Variants in KCTD16 observed in about 807,000 individuals in gnomAD.
The protein encoded by KCTD16 is BTB/POZ domain-containing protein KCTD16.
Under a neutral mutation model 33.2 loss-of-function variants are expected in KCTD16, and 13 were observed. The observed-to-expected ratio is 0.39, with a 90% CI of 0.25 to 0.62. KCTD16 has a LOEUF of 0.62. Ranked by LOEUF, KCTD16 falls within the 20% of genes least tolerant of loss-of-function variation. KCTD16 has a pLI of 0.50. For synonymous variants in KCTD16, 197 were observed against 195.3 expected (o/e 1.01, Z -0.07); for missense variants, 441 against 525.1 (o/e 0.84, Z 1.57).
chr5:144,300,221 G>A (rs962049268), intron 3 of KCTD16, among the ~76,000 whole-genome samples: 3 of 152,128 alleles, frequency 2.0e-5, no homozygotes, highest in East Asian at 1.9e-4. Context: ...AGTGAAGTGT[G>A]GGAAGTAAAT....
At chr5:144,348,955 C>A (rs545781038) in intron 3 of KCTD16, among the ~76,000 whole-genome samples, 2 of 152,182 alleles carry the variant, frequency 1.3e-5, no homozygotes, top group African/African-American at 4.8e-5. Flanking sequence ...TAAAGAAATC[C>A]TGTGGGAAAG....
intron 2 of KCTD16, chr5:144,205,991 A>G (rs764121080): frequency 1.3e-5 from 2 of 157,428 alleles, no homozygotes; most frequent in Non-Finnish European, 2.8e-5. Flanking sequence ...TGCTTTACAA[A>G]TGGTTATTAT....
intron 3 of KCTD16, among the ~76,000 whole-genome samples, chr5:144,373,860 C>T (rs554607750): frequency 8.5e-5 from 13 of 152,310 alleles, no homozygotes; most frequent in Non-Finnish European, 1.5e-4. Context: ...TATATGTTTT[C>T]ATTTCCTATG....
intron 3 of KCTD16, among the ~76,000 whole-genome samples, chr5:144,356,673 A>G (rs750940082): frequency 6.6e-6 from 1 of 152,084 alleles, no homozygotes; most frequent in African/African-American, 2.4e-5. Flanking sequence ...ACCACTGGAG[A>G]TATAATTGAA....
chr5:144,226,222 A>G (rs991419095), intron 3 of KCTD16, among the ~76,000 whole-genome samples: 1 of 152,202 alleles, frequency 6.6e-6, no homozygotes, highest in Non-Finnish European at 1.5e-5. Flanking sequence ...TCTCATTAGA[A>G]TGATTAGGAG....
intron 3 of KCTD16, among the ~76,000 whole-genome samples, chr5:144,420,244 G>T (rs1206794681): frequency 1.3e-5 from 2 of 152,078 alleles, no homozygotes; most frequent in Non-Finnish European, 2.9e-5. Flanking sequence ...CTCTACCTCA[G>T]CAGTTTACTG....
chr5:144,267,053 A>G (rs932862446), intron 3 of KCTD16, among the ~76,000 whole-genome samples: 2 of 152,240 alleles, frequency 1.3e-5, no homozygotes, highest in African/African-American at 4.8e-5. Flanking sequence ...TTATAAAATT[A>G]AATCTTCTGG....
intron 3 of KCTD16, among the ~76,000 whole-genome samples, chr5:144,270,979 G>C (rs993544276): frequency 2.6e-5 from 4 of 151,842 alleles, no homozygotes; most frequent in African/African-American, 9.7e-5. Flanking sequence ...TGAAAAAATA[G>C]AAAATTTGAT....
At chr5:144,205,596 T>G (rs2126788465) in intron 2 of KCTD16, 1 of 398,700 alleles carries the variant, frequency 2.5e-6, no homozygotes, top group Admixed American at 4.4e-5. Context: ...TCTCCATCTT[T>G]CTGCTTCTGG....
rs1029839360 is a variant in KCTD16, at chr5:144,206,578, T to C, written c.-137T>C. On this transcript the variant is annotated 5_prime_UTR_variant, in exon 3 of 4. Coordinates refer to ENST00000512467, the MANE Select transcript of KCTD16 (RefSeq NM_020768.4). Reference sequence around the variant, plus strand: ...ACATTTTGATTTCTTGGGGGAAAAATACTGGGATAAGAGGAGGTCATTTTT... The same window carrying C: ...ACATTTTGATTTCTTGGGGGAAAAACACTGGGATAAGAGGAGGTCATTTTT... The C allele has an allele frequency of 5.6e-6, 4 of 714,448 alleles. No individual in the cohort carries two copies. In the African/African-American group the frequency reaches 7.1e-5, roughly 13 times the overall value. The allele number at this position is 714,448 out of a possible 1,614,324, so 44.3% of individuals were successfully genotyped here.
In KCTD16 at chr5:144,485,122, G is replaced by A. The variant is rs1754778587; in HGVS notation, c.*11008G>A. The A allele has an allele frequency of 6.6e-6, 1 of 151,890 alleles. No individual in the cohort carries two copies. The highest frequency in any genetic ancestry group is 6.6e-5 in the Admixed American group (1 of 15,206). The allele number at this position is 151,890 out of a possible 1,614,324, so 9.4% of individuals were successfully genotyped here. A position where few individuals can be genotyped will look rare whatever the true frequency, so the allele number is the denominator to read the frequency against. ...ACTCTAACTGTTTTTACCTTGGGATGTAACACTGTAGATCTTCGCCTGCTG... is the reference window on the plus strand; with the variant it reads ...ACTCTAACTGTTTTTACCTTGGGATATAACACTGTAGATCTTCGCCTGCTG... On this transcript the variant is annotated 3_prime_UTR_variant, in exon 4 of 4. Transcript: ENST00000512467.
chr5:144,394,471 A>G (rs1323819413), intron 3 of KCTD16, among the ~76,000 whole-genome samples: 2 of 152,196 alleles, frequency 1.3e-5, no homozygotes, highest in Non-Finnish European at 2.9e-5. Flanking sequence ...GTTCTCTGAA[A>G]ACTGAACTGG....
intron 3 of KCTD16, among the ~76,000 whole-genome samples, chr5:144,408,620 T>C (rs1175498828): frequency 6.6e-6 from 1 of 152,206 alleles, no homozygotes; most frequent in Non-Finnish European, 1.5e-5. Context: ...GTAAAAAATG[T>C]CTTGAAGGTA....
chr5:144,453,438 T>C (rs1029817913), intron 3 of KCTD16, among the ~76,000 whole-genome samples: 1 of 152,158 alleles, frequency 6.6e-6, no homozygotes. Context: ...GATGTCTTTA[T>C]GATCTGTATG....
At chr5:144,288,105 A>T (rs1386674337) in intron 3 of KCTD16, among the ~76,000 whole-genome samples, 1 of 152,154 alleles carries the variant, frequency 6.6e-6, no homozygotes, top group East Asian at 1.9e-4. Flanking sequence ...GGTCTGGAGT[A>T]GGGCTTCAAA....
intron 3 of KCTD16, among the ~76,000 whole-genome samples, chr5:144,228,810 T>C (rs950685872): frequency 6.6e-6 from 1 of 152,202 alleles, no homozygotes; most frequent in Non-Finnish European, 1.5e-5. Context: ...GATCTATGAA[T>C]ATTGAATAGA....
At chr5:144,466,395 C>T (rs566385341) in intron 3 of KCTD16, among the ~76,000 whole-genome samples, 2 of 151,966 alleles carry the variant, frequency 1.3e-5, no homozygotes, top group South Asian at 4.2e-4. Context: ...TTCATGTAGT[C>T]ATTTTCAATT....
At chr5:144,402,877 T>C (rs889040935) in intron 3 of KCTD16, among the ~76,000 whole-genome samples, 29 of 152,174 alleles carry the variant, frequency 1.9e-4, no homozygotes, top group Admixed American at 1.5e-3. Flanking sequence ...AAATTTATTC[T>C]GTTACCGTTT....
At chr5:144,319,054 T>G (rs2126883220) in intron 3 of KCTD16, among the ~76,000 whole-genome samples, 1 of 152,148 alleles carries the variant, frequency 6.6e-6, no homozygotes. Flanking sequence ...AGAAGTACTA[T>G]GATATAGTAT....
Sources: gnomAD v4.1 joint callset for allele counts (sites outside exome capture counted in the v4.1 genomes callset) on GRCh38, gnomAD v4.1.1 for gene constraint, MANE v1.5 for transcripts, NCBI Gene and HGNC (gene_info 2026-07-23, HGNC 2026-07-21) for gene names.